Variants in AGTPBP1 observed in about 807,000 individuals in gnomAD.
The protein encoded by AGTPBP1 is ATP/GTP binding carboxypeptidase 1.
In AGTPBP1, 70 loss-of-function variants were observed where a neutral mutation model predicts 143.9. The observed-to-expected ratio is 0.49, with a 90% CI of 0.40 to 0.59. The LOEUF is 0.59. AGTPBP1 is among the 20% of genes least tolerant of loss of function. The probability of loss-of-function intolerance (pLI) is 0.00; values close to 1 mark genes in which losing one functional copy is unlikely to be tolerated. For missense variants in AGTPBP1, 1,229 were observed against 1,464.5 expected, an observed-to-expected ratio of 0.84 and a Z score of 2.62; for synonymous variants, 463 against 500.2, an observed-to-expected ratio of 0.93 and a Z score of 0.99.
chr9:85,747,865 T>A, the AGTPBP1 span, among the ~76,000 whole-genome samples: 29 of 152,296 alleles, frequency 1.9e-4, no homozygotes, highest in Non-Finnish European at 3.2e-4. Context: ...TAACATTTAT[T>A]GAGATTTATA....
intron 1 of AGTPBP1, 144 bp from the exon 2 acceptor site, chr9:85,712,710 T>A (rs1249605008): frequency 2.5e-6 from 1 of 407,958 alleles, no homozygotes; most frequent in Non-Finnish European, 4.3e-6. Flanking sequence ...TTGAGTTCTA[T>A]GTGCTTCTAC....
chr9:85,696,839 T>A (rs1442901222), intron 2 of AGTPBP1, among the ~76,000 whole-genome samples: 1 of 152,206 alleles, frequency 6.6e-6, no homozygotes, highest in East Asian at 1.9e-4. Context: ...TAATATGGTT[T>A]CAGATTCCAC....
At chr9:85,648,168 T>C (rs774472030) in intron 11 of AGTPBP1, among the ~76,000 whole-genome samples, 2 of 152,212 alleles carry the variant, frequency 1.3e-5, no homozygotes, top group Non-Finnish European at 2.9e-5. Context: ...TTTCTTTGTC[T>C]ATAAAATGGA....
intron 2 of AGTPBP1, among the ~76,000 whole-genome samples, chr9:85,707,489 G>A (rs1195359708): frequency 6.6e-6 from 1 of 151,870 alleles, no homozygotes; most frequent in East Asian, 1.9e-4. Flanking sequence ...TTTCAACCAG[G>A]CTGATTGAGA....
At chr9:85,803,044 T>C in the AGTPBP1 span, among the ~76,000 whole-genome samples, 9,358 of 152,200 alleles carry the variant, frequency 0.061, 921 homozygotes, top group African/African-American at 0.2. Flanking sequence ...AATGATCTTG[T>C]TCCTCACTTT....
At chr9:85,798,116 G>A in the AGTPBP1 span, among the ~76,000 whole-genome samples, 5 of 150,100 alleles carry the variant, frequency 3.3e-5, no homozygotes, top group African/African-American at 1.2e-4. Flanking sequence ...TGGCCAGGCT[G>A]GTCTCAAACT....
At chr9:85,552,097 A>G (rs1826069828) in intron 25 of AGTPBP1, among the ~76,000 whole-genome samples, 1 of 152,238 alleles carries the variant, frequency 6.6e-6, no homozygotes, top group Non-Finnish European at 1.5e-5. Flanking sequence ...CAATTAAGAA[A>G]TATTTCATTC....
intron 8 of AGTPBP1, among the ~76,000 whole-genome samples, chr9:85,667,866 T>C (rs1406858371): frequency 1.5e-5 from 2 of 133,744 alleles, no homozygotes; most frequent in Non-Finnish European, 3.1e-5. Flanking sequence ...ATATAATGTA[T>C]AGACTTAATT....
At chr9:85,644,166 AAT>A (rs1244158888) in intron 12 of AGTPBP1, among the ~76,000 whole-genome samples, 3 of 151,966 alleles carry the variant, frequency 2.0e-5, no homozygotes, top group Non-Finnish European at 2.9e-5. Context: ...TGATATGCAT[AAT>A]AGAGATTGAT....
At chr9:85,560,410 G>A (rs1020259659) in intron 25 of AGTPBP1, among the ~76,000 whole-genome samples, 1 of 152,146 alleles carries the variant, frequency 6.6e-6, no homozygotes, top group East Asian at 1.9e-4. Flanking sequence ...TGGGAAGTTG[G>A]CTTTCAAAAG....
intron 3 of AGTPBP1, among the ~76,000 whole-genome samples, chr9:85,691,556 T>TGTGTGC (rs1835881642): frequency 6.6e-6 from 1 of 151,616 alleles, no homozygotes; most frequent in African/African-American, 2.4e-5. Context: ...TGTGTGTGTG[T>TGTGTGC]GTGTGTGTGT....
At position 85,578,947 on chromosome 9, in the gene AGTPBP1, T is replaced by C. The variant is rs1313847461; in HGVS notation, c.3315A>G (p.Leu1105=). Residue 1105 remains leucine, a synonymous_variant, in exon 24 of 26, where the codon TTA becomes TTG. Coordinates refer to ENST00000357081, the MANE Select transcript of AGTPBP1 (RefSeq NM_001330701.2). ...TGTATTTTCCCTGATCACAGCCACA[T>C]AAAGTACTCTCCATGGTATAACTTC... The part of the protein sequence containing the change: ...VQRSYTMEST[L]CGCDQGKYKG... 1 of 1,613,560 alleles carries C rather than the reference T, an allele frequency of 6.2e-7. No homozygotes were observed. The highest frequency in any genetic ancestry group is 8.5e-7 in the Non-Finnish European group (1 of 1,179,790).
At chr9:85,678,863 C>G (rs1238177993) in intron 4 of AGTPBP1, among the ~76,000 whole-genome samples, 1 of 152,104 alleles carries the variant, frequency 6.6e-6, no homozygotes, top group African/African-American at 2.4e-5. Context: ...AATGGTATTG[C>G]CCTATAGGTA....
At position 85,688,278 on chromosome 9, in the gene AGTPBP1, G is replaced by A. The variant is rs571939760; in HGVS notation, c.157+4411C>T. Among the ~76,000 whole-genome samples the A allele has an allele frequency of 3.3e-5, 5 of 151,930 alleles. No homozygotes were observed. In the South Asian group the frequency reaches 1.0e-3, roughly 32 times the overall value. ...ATTGACAAACTTTTAGCTAGGCTAG[G>A]GTCTCTTAACCTCAGCACTCTTGAC... On this transcript the variant is annotated intron_variant, in intron 3 of 25. Transcript: ENST00000357081.
At chr9:85,769,520 CAAAAAAAAAAA>C in the AGTPBP1 span, among the ~76,000 whole-genome samples, 4 of 60,886 alleles carry the variant, frequency 6.6e-5, no homozygotes, top group African/African-American at 1.3e-4. Flanking sequence ...ACCCTGTGTC[CAAAAAAAAAAA>C]AAAAAAAAAG....
At chr9:85,554,679 G>A (rs185687052) in intron 25 of AGTPBP1, among the ~76,000 whole-genome samples, 100 of 152,268 alleles carry the variant, frequency 6.6e-4, no homozygotes, top group African/African-American at 2.3e-3. Flanking sequence ...AGCCTCTGAA[G>A]TTTTTATACA....
chr9:85,588,240 T>G (rs1828737784), intron 21 of AGTPBP1, 58 bp downstream of exon 21: 2 of 1,400,102 alleles, frequency 1.4e-6, no homozygotes, highest in African/African-American at 2.9e-5. Context: ...TTTCAACAAG[T>G]TTATACAGGA....
At chr9:85,614,634 A>G (rs764394861) in intron 17 of AGTPBP1, among the ~76,000 whole-genome samples, 2 of 152,150 alleles carry the variant, frequency 1.3e-5, no homozygotes, top group Admixed American at 6.5e-5. Flanking sequence ...CAGAAAAAAT[A>G]GGTAGAAAAG....
the AGTPBP1 span, among the ~76,000 whole-genome samples, chr9:85,766,265 T>C: frequency 6.6e-6 from 1 of 152,182 alleles, no homozygotes; most frequent in Non-Finnish European, 1.5e-5. Context: ...ATTACAGCTA[T>C]ACCTCTTACA....
Sources: gnomAD v4.1 joint callset for allele counts (sites outside exome capture counted in the v4.1 genomes callset) on GRCh38, gnomAD v4.1.1 for gene constraint, MANE v1.5 for transcripts, NCBI Gene and HGNC (gene_info 2026-07-23, HGNC 2026-07-21) for gene names.